ITGB6: variants seen among roughly 807,000 people sequenced by gnomAD.
The protein encoded by ITGB6 is integrin subunit beta 6.
Under a neutral mutation model 84.5 loss-of-function variants are expected in ITGB6, and 80 were observed. That is an observed-to-expected ratio of 0.95 (90% CI 0.79 to 1.14). The LOEUF (loss-of-function observed/expected upper bound fraction) is 1.14. Ranked by LOEUF, ITGB6 falls within the 50% of genes most tolerant of loss-of-function variation. ITGB6 has a pLI of 0.00. For missense variants in ITGB6, 1,006 were observed against 968.0 expected (o/e 1.04, Z -0.52); for synonymous variants, 383 against 354.9 (o/e 1.08, Z -0.89).
chr2:160,186,344 G>A (rs1408712481), intron 4 of ITGB6, among the ~76,000 whole-genome samples: 11 of 150,436 alleles, frequency 7.3e-5, no homozygotes, highest in South Asian at 2.1e-4. Flanking sequence ...ACATTTATAC[G>A]GCCAAGAAAC....
At position 160,123,776 on chromosome 2, in the gene ITGB6, T is replaced by G; in HGVS notation, c.1981+15A>C. On this transcript the variant is annotated intron_variant, in intron 12 of 14. Transcript: ENST00000283249. ...CTACATAAGGAAATGAAAAACAATTTAAGACAAGCAGAACCTTCTTCTTCA... is the reference window on the plus strand; with the variant it reads ...CTACATAAGGAAATGAAAAACAATTGAAGACAAGCAGAACCTTCTTCTTCA... 6.2e-7 allele frequency: 1 copy of G among 1,603,410 alleles called. No homozygotes were observed. Among genetic ancestry groups the G allele is most frequent in the Non-Finnish European group, 8.5e-7 (1 of 1,170,664 alleles).
chr2:160,117,369 A>C (rs905745613), intron 12 of ITGB6, among the ~76,000 whole-genome samples: 3 of 151,692 alleles, frequency 2.0e-5, no homozygotes, highest in Admixed American at 1.3e-4. Flanking sequence ...CTCACTCAAA[A>C]CTGCTCAACT....
chr2:160,164,744 CAG>C, intron 7 of ITGB6, among the ~76,000 whole-genome samples: 1 of 152,180 alleles, frequency 6.6e-6, no homozygotes, highest in Admixed American at 6.5e-5. Context: ...TTGGCCTAAT[CAG>C]GCATCTCATT....
chr2:160,132,696 C>A (rs1002543211), intron 10 of ITGB6, among the ~76,000 whole-genome samples: 2 of 151,910 alleles, frequency 1.3e-5, no homozygotes, highest in Admixed American at 1.3e-4. Context: ...ATTTATAATT[C>A]TTTTCTGAAT....
intron 7 of ITGB6, among the ~76,000 whole-genome samples, chr2:160,151,805 A>C (rs1684429515): frequency 6.6e-6 from 1 of 152,212 alleles, no homozygotes; most frequent in African/African-American, 2.4e-5. Context: ...ACCATCAAAG[A>C]ATACTATAAA....
At chr2:160,198,320 T>C (rs771560258) in intron 2 of ITGB6, among the ~76,000 whole-genome samples, 2 of 152,204 alleles carry the variant, frequency 1.3e-5, no homozygotes, top group Non-Finnish European at 2.9e-5. Flanking sequence ...CACACTGAAC[T>C]CGGAGTTTGG....
At chr2:160,115,144 A>G (rs1029807141) in intron 12 of ITGB6, among the ~76,000 whole-genome samples, 2 of 152,220 alleles carry the variant, frequency 1.3e-5, no homozygotes, top group Non-Finnish European at 2.9e-5. Flanking sequence ...CTTTGAAGAG[A>G]GTAGTGGTTC....
chr2:160,130,422 TTGTAAAA>T, intron 10 of ITGB6, among the ~76,000 whole-genome samples: 1 of 152,234 alleles, frequency 6.6e-6, no homozygotes, highest in East Asian at 1.9e-4. Flanking sequence ...GATAAACTCA[TTGTAAAA>T]TGTAAAATAA....
At chr2:160,155,399 A>G (rs749643627) in intron 7 of ITGB6, among the ~76,000 whole-genome samples, 5 of 152,350 alleles carry the variant, frequency 3.3e-5, no homozygotes, top group Non-Finnish European at 5.9e-5. Flanking sequence ...TAATAATTGT[A>G]CATAACTCAT....
intron 14 of ITGB6, among the ~76,000 whole-genome samples, chr2:160,106,411 T>C (rs1448685533): frequency 6.6e-6 from 1 of 152,134 alleles, no homozygotes; most frequent in Non-Finnish European, 1.5e-5. Flanking sequence ...CTAATTTTTG[T>C]ATTTCTTTTT....
At chr2:160,185,369 A>G (rs940345782) in intron 4 of ITGB6, among the ~76,000 whole-genome samples, 3 of 152,238 alleles carry the variant, frequency 2.0e-5, no homozygotes, top group African/African-American at 7.2e-5. Context: ...GTGAACTCCC[A>G]TTCACAATTG....
chr2:160,121,620 C>T (rs1453477955), intron 12 of ITGB6, among the ~76,000 whole-genome samples: 2 of 152,060 alleles, frequency 1.3e-5, no homozygotes, highest in South Asian at 2.1e-4. Flanking sequence ...CCCATTTCTA[C>T]AAAAACTACA....
chr2:160,174,303 T>A (rs1408198246), intron 4 of ITGB6, among the ~76,000 whole-genome samples, 164 bp from the exon 5 acceptor site: 1 of 152,190 alleles, frequency 6.6e-6, no homozygotes, highest in African/African-American at 2.4e-5. Flanking sequence ...GTTGACATCA[T>A]CCCCAACCCT....
chr2:160,105,937 C>A (rs1049034543), intron 14 of ITGB6, among the ~76,000 whole-genome samples: 2 of 152,080 alleles, frequency 1.3e-5, no homozygotes, highest in Admixed American at 6.5e-5. Flanking sequence ...TACACACATT[C>A]GCAAAAAGAG....
intron 5 of ITGB6, among the ~76,000 whole-genome samples, chr2:160,172,978 C>T (rs995892881): frequency 2.0e-5 from 3 of 152,106 alleles, no homozygotes; most frequent in African/African-American, 4.8e-5. Context: ...CCACTACAAT[C>T]GGTATGCAGT....
chr2:160,125,224 T>C (rs959625640), intron 11 of ITGB6, among the ~76,000 whole-genome samples: 1 of 152,224 alleles, frequency 6.6e-6, no homozygotes, highest in Non-Finnish European at 1.5e-5. Flanking sequence ...TCTTGGCATA[T>C]AGTAGGCACT....
intron 7 of ITGB6, among the ~76,000 whole-genome samples, chr2:160,152,723 T>A (rs1684477396): frequency 6.6e-6 from 1 of 152,184 alleles, no homozygotes. Flanking sequence ...CAAAATCTCC[T>A]TAAGCTGATA....
At chr2:160,105,263 AT>A in intron 14 of ITGB6, among the ~76,000 whole-genome samples, 1 of 152,290 alleles carries the variant, frequency 6.6e-6, no homozygotes, top group South Asian at 2.1e-4. Context: ...TGTTTAATGC[AT>A]GTTCGGGTCG....
chr2:160,126,692 C>T, intron 10 of ITGB6, 91 bp from the exon 11 acceptor site: 3 of 1,212,558 alleles, frequency 2.5e-6, no homozygotes, highest in Admixed American at 2.1e-5. Flanking sequence ...TGTCTTTAAG[C>T]ACCGTCATCA....
Sources: gnomAD v4.1 joint callset for allele counts (sites outside exome capture counted in the v4.1 genomes callset) on GRCh38, gnomAD v4.1.1 for gene constraint, MANE v1.5 for transcripts, NCBI Gene and HGNC (gene_info 2026-07-23, HGNC 2026-07-21) for gene names.